Variants in PTPRG observed in about 807,000 individuals in gnomAD.
PTPRG encodes protein tyrosine phosphatase receptor type G, also known as receptor-type tyrosine-protein phosphatase gamma.
PTPRG carries 102 observed loss-of-function variants against 165.3 expected under a neutral mutation model. The ratio of observed to expected loss-of-function variants is 0.62; its 90% CI spans 0.53 to 0.73. The LOEUF (loss-of-function observed/expected upper bound fraction) is 0.73. PTPRG is among the 30% of genes least tolerant of loss of function. The pLI is 0.00. For missense variants in PTPRG, 1,866 were observed against 1,861.4 expected, an observed-to-expected ratio of 1.00 and a Z score of -0.05; for synonymous variants, 675 against 669.5, an observed-to-expected ratio of 1.01 and a Z score of -0.13.
At chr3:61,578,251 A>G (rs1406017033) in intron 1 of PTPRG, among the ~76,000 whole-genome samples, 1 of 152,234 alleles carries the variant, frequency 6.6e-6, no homozygotes, top group Admixed American at 6.5e-5. Context: ...GAAAGGTAGA[A>G]GGGAACTTGG....
intron 1 of PTPRG, among the ~76,000 whole-genome samples, chr3:61,715,859 T>G (rs1284739829): frequency 7.7e-6 from 1 of 129,270 alleles, no homozygotes; most frequent in Non-Finnish European, 1.6e-5. Context: ...ACCAATGGCT[T>G]TTTTTTTTTT....
At chr3:61,999,487 A>G (rs189320514) in intron 3 of PTPRG, among the ~76,000 whole-genome samples, 2 of 152,230 alleles carry the variant, frequency 1.3e-5, no homozygotes, top group Admixed American at 1.3e-4. Context: ...AGGGACAAAA[A>G]CATTCAGTCT....
At chr3:61,598,641 G>A (rs578102279) in intron 1 of PTPRG, among the ~76,000 whole-genome samples, 7 of 152,200 alleles carry the variant, frequency 4.6e-5, no homozygotes, top group Middle Eastern at 6.8e-3. Context: ...TGGTATATTC[G>A]TTTGCTAGGG....
chr3:62,120,145 G>A (rs537586856), intron 5 of PTPRG, among the ~76,000 whole-genome samples: 2 of 152,010 alleles, frequency 1.3e-5, no homozygotes, highest in Admixed American at 6.6e-5. Context: ...GGGCAGCCAG[G>A]GTAAAACAAC....
At chr3:61,608,843 ATT>A (rs1701085219) in intron 1 of PTPRG, among the ~76,000 whole-genome samples, 1 of 152,156 alleles carries the variant, frequency 6.6e-6, no homozygotes, top group African/African-American at 2.4e-5. Flanking sequence ...TGATGGAAGG[ATT>A]TCATCGTCTT....
chr3:61,707,416 A>T (rs72878428), intron 1 of PTPRG, among the ~76,000 whole-genome samples: 2,681 of 152,266 alleles, frequency 0.018, 79 homozygotes, highest in African/African-American at 0.06. Flanking sequence ...AATGGTGTAG[A>T]TCTAGTTCAA....
intron 2 of PTPRG, among the ~76,000 whole-genome samples, chr3:61,813,913 G>GA (rs1575685562): frequency 6.7e-6 from 1 of 149,590 alleles, no homozygotes; most frequent in East Asian, 2.0e-4. Context: ...TTTGGGGGGG[G>GA]TTGGAGTCTC....
chr3:62,090,335 T>C (rs1701885957), intron 5 of PTPRG, among the ~76,000 whole-genome samples: 1 of 152,168 alleles, frequency 6.6e-6, no homozygotes, highest in African/African-American at 2.4e-5. Flanking sequence ...ACACTAGTTC[T>C]AGTTTTTTTT....
intron 1 of PTPRG, among the ~76,000 whole-genome samples, chr3:61,587,213 A>T (rs1308897526): frequency 2.0e-5 from 3 of 152,238 alleles, no homozygotes; most frequent in African/African-American, 7.2e-5. Context: ...TTAACAGGGA[A>T]CTTGTAGCTA....
intron 2 of PTPRG, among the ~76,000 whole-genome samples, chr3:61,936,255 C>T (rs939644813): frequency 1.3e-5 from 2 of 152,158 alleles, no homozygotes; most frequent in African/African-American, 4.8e-5. Flanking sequence ...TACAGCAGCA[C>T]AGACAGACTA....
At chr3:61,589,857 C>T (rs748566987) in intron 1 of PTPRG, among the ~76,000 whole-genome samples, 2 of 151,856 alleles carry the variant, frequency 1.3e-5, no homozygotes, top group African/African-American at 2.4e-5. Flanking sequence ...AAATGAAAGT[C>T]GAATATGGAT....
chr3:61,883,910 C>T (rs747319361), intron 2 of PTPRG, among the ~76,000 whole-genome samples: 2 of 152,134 alleles, frequency 1.3e-5, no homozygotes, highest in Non-Finnish European at 2.9e-5. Flanking sequence ...GAGACAGGGT[C>T]TTACCATGTT....
At chr3:61,734,939 C>CT (rs1163887781) in intron 1 of PTPRG, among the ~76,000 whole-genome samples, 1 of 152,204 alleles carries the variant, frequency 6.6e-6, no homozygotes, top group Non-Finnish European at 1.5e-5. Flanking sequence ...GCTTTTCCGT[C>CT]TGACTCTTCA....
chr3:62,080,061 C>CTTT (rs774262138), intron 5 of PTPRG, among the ~76,000 whole-genome samples: 2,705 of 111,410 alleles, frequency 0.024, 278 homozygotes, highest in African/African-American at 0.089. Context: ...CCCTTCGGTT[C>CTTT]ATTTTTTTTT....
chr3:61,917,956 TAAAAGA>T (rs141316628), intron 2 of PTPRG, among the ~76,000 whole-genome samples: 182 of 151,454 alleles, frequency 1.2e-3, no homozygotes, highest in African/African-American at 4.1e-3. Flanking sequence ...AATAAATAAA[TAAAAGA>T]AGAAGAAGAG....
intron 1 of PTPRG, among the ~76,000 whole-genome samples, chr3:61,670,781 G>A (rs994991966): frequency 3.9e-5 from 6 of 152,150 alleles, no homozygotes; most frequent in Non-Finnish European, 7.4e-5. Flanking sequence ...GTCTGCTGTC[G>A]TTTGAAATAC....
chr3:62,293,139 C>A (rs755769456), intron 29 of PTPRG, 22 bp from the exon 30 acceptor site: 4 of 1,535,526 alleles, frequency 2.6e-6, no homozygotes, highest in Non-Finnish European at 3.5e-6. Context: ...TTGGCTCAAA[C>A]TGTCTTCCTC....
At chr3:62,218,766 C>A (rs1007735061) in intron 12 of PTPRG, 85 bp from the exon 13 acceptor site, 2 of 1,488,918 alleles carry the variant, frequency 1.3e-6, no homozygotes, top group Non-Finnish European at 1.8e-6. Flanking sequence ...AGAAACCACA[C>A]AAAACTGGAA....
chr3:62,081,672 T>G (rs916870149), intron 5 of PTPRG, among the ~76,000 whole-genome samples: 2 of 152,208 alleles, frequency 1.3e-5, no homozygotes, highest in Non-Finnish European at 2.9e-5. Flanking sequence ...AGCACACACG[T>G]GCTTATATGC....
Sources: gnomAD v4.1 joint callset for allele counts (sites outside exome capture counted in the v4.1 genomes callset) on GRCh38, gnomAD v4.1.1 for gene constraint, MANE v1.5 for transcripts, NCBI Gene and HGNC (gene_info 2026-07-23, HGNC 2026-07-21) for gene names.